The following KLHL3 variants were observed in gnomAD, a reference collection of about 807,000 sequenced individuals.
The protein encoded by KLHL3 is kelch like family member 3, also known as kelch-like protein 3.
KLHL3 carries 19 observed loss-of-function variants against 70.5 expected under a neutral mutation model. The ratio of observed to expected loss-of-function variants is 0.27; its 90% CI spans 0.19 to 0.40. KLHL3 has a LOEUF of 0.40. Ranked by LOEUF, KLHL3 falls within the 10% of genes least tolerant of loss-of-function variation. The pLI, the probability that KLHL3 is intolerant of heterozygous loss-of-function variation, is 1.00. For synonymous variants in KLHL3, 258 were observed against 290.3 expected (o/e 0.89, Z 1.13); for missense variants, 512 against 771.1 (o/e 0.66, Z 3.98).
intron 6 of KLHL3, among the ~76,000 whole-genome samples, chr5:137,664,130 T>A (rs372876206): frequency 6.6e-6 from 1 of 151,906 alleles, no homozygotes; most frequent in Non-Finnish European, 1.5e-5. Context: ...GGCAGGCAGA[T>A]TGCTTGAGCC....
Position 137,628,324 on chromosome 5 carries a change from C to G in KLHL3, c.1564G>C (p.Asp522His), listed in dbSNP as rs374322899. The G allele has an allele frequency of 6.2e-7, 1 of 1,614,164 alleles. No individual in the cohort carries two copies. The highest frequency in any genetic ancestry group is 8.5e-7 in the Non-Finnish European group (1 of 1,180,020). ...GCGTTGCGCCGGCACATGTTCATGT[C>G]TGCCACTTGCTTCCAGGTATTTGTT... ...PGTNTWKQVA[D>H]MNMCRRNAGV... Residue 522 changes from aspartate to histidine, a missense_variant, in exon 13 of 15, where the codon GAC becomes CAC. Coordinates refer to ENST00000309755, the MANE Select transcript of KLHL3 (RefSeq NM_017415.3).
At position 137,639,549 on chromosome 5, in the gene KLHL3, C is replaced by T. The variant is rs2149885177; in HGVS notation, c.1021+311G>A. Among the ~76,000 whole-genome samples the T allele has an allele frequency of 1.3e-5, 2 of 152,052 alleles. No individual in the cohort carries two copies. The highest frequency in any genetic ancestry group is 4.8e-5 in the African/African-American group (2 of 41,492). ...TCTCTACTAAAAATGCAAAAATTAG[C>T]TGGGCATGGTGGTGCACGCCTGTAA... On this transcript the variant is annotated intron_variant, in intron 9 of 14. Transcript: ENST00000309755. The surrounding 1 kb of genome is among the most constrained non-coding windows in gnomAD (Gnocchi z 5.0).
chr5:137,639,146 C>G lies in KLHL3; in HGVS notation c.1026G>C (p.Val342=). 1 of 1,613,608 alleles carries G rather than the reference C, an allele frequency of 6.2e-7. No individual in the cohort carries two copies. Among genetic ancestry groups the G allele is most frequent in the Non-Finnish European group, 8.5e-7 (1 of 1,179,766 alleles). ...ELPSRRCRAG[V]VFMAGHVYAV... is the part of the protein sequence containing the mutation. ...CATACACGTGGCCAGCCATGAACAC[C>G]ACACCTGAGGCACAGGAAACCAAGA... The change falls in exon 10 of 15, where the codon GTG becomes GTC. Residue 342 remains valine, a synonymous_variant. Transcript: ENST00000309755. The surrounding 1 kb of genome is among the most constrained non-coding windows in gnomAD (Gnocchi z 5.0).
chr5:137,655,799 T>C (rs1041572097), intron 8 of KLHL3, among the ~76,000 whole-genome samples: 2 of 151,638 alleles, frequency 1.3e-5, no homozygotes, highest in Non-Finnish European at 2.9e-5. Flanking sequence ...GCCTAGGCAA[T>C]AGGCAAAAAC....
At chr5:137,677,218 G>C (rs554995906) in intron 6 of KLHL3, among the ~76,000 whole-genome samples, 1 of 152,056 alleles carries the variant, frequency 6.6e-6, no homozygotes, top group Non-Finnish European at 1.5e-5. Context: ...AGGCTGAGGC[G>C]GGCGGATTGC....
At chr5:137,709,643 G>T in intron 3 of KLHL3, 107 bp downstream of exon 3, 1 of 851,476 alleles carries the variant, frequency 1.2e-6, no homozygotes, top group Non-Finnish European at 2.0e-6. Flanking sequence ...CTCATAGTGG[G>T]CTAATGGCTT....
intron 3 of KLHL3, 49 bp downstream of exon 3, chr5:137,709,701 T>G: frequency 7.0e-7 from 1 of 1,435,008 alleles, no homozygotes; most frequent in Non-Finnish European, 9.8e-7. Flanking sequence ...ATTCTCCCAG[T>G]GGGGCTGCAG....
intron 14 of KLHL3, among the ~76,000 whole-genome samples, chr5:137,625,082 C>T (rs908587388): frequency 3.4e-5 from 5 of 145,828 alleles, no homozygotes; most frequent in African/African-American, 9.7e-5. Flanking sequence ...ATAAAATAGA[C>T]GGATAGAGTC....
intron 8 of KLHL3, among the ~76,000 whole-genome samples, chr5:137,641,018 T>C (rs1750902109): frequency 6.6e-6 from 1 of 152,234 alleles, no homozygotes; most frequent in African/African-American, 2.4e-5. Context: ...CTGCTCTGGT[T>C]AGGTTAATAG....
At chr5:137,706,865 A>G (rs1752695934) in intron 3 of KLHL3, among the ~76,000 whole-genome samples, 1 of 152,238 alleles carries the variant, frequency 6.6e-6, no homozygotes, top group Admixed American at 6.5e-5. Context: ...TTTTAAAGGT[A>G]TAGTTCTTAC....
intron 5 of KLHL3, among the ~76,000 whole-genome samples, chr5:137,687,312 T>C (rs868063704): frequency 0.068 from 1,829 of 26,778 alleles, 766 homozygotes; most frequent in African/African-American, 0.37. Flanking sequence ...CCCGCCCGGC[T>C]GGCTGCCCCG....
chr5:137,670,481 T>C (rs1366962634), intron 6 of KLHL3, among the ~76,000 whole-genome samples: 5 of 150,848 alleles, frequency 3.3e-5, no homozygotes, highest in Admixed American at 2.0e-4. Context: ...AGATATTCTG[T>C]AGTAAAGGGG....
At chr5:137,656,476 T>C (rs1751348557) in intron 8 of KLHL3, among the ~76,000 whole-genome samples, 1 of 152,232 alleles carries the variant, frequency 6.6e-6, no homozygotes. Context: ...TTCCAAATAA[T>C]AGCAGATTTT....
intron 3 of KLHL3, among the ~76,000 whole-genome samples, chr5:137,701,285 C>T (rs978520943): frequency 9.2e-5 from 14 of 152,028 alleles, no homozygotes; most frequent in African/African-American, 3.1e-4. Context: ...CGACCTCAGA[C>T]GATCTGTCCT....
intron 5 of KLHL3, among the ~76,000 whole-genome samples, chr5:137,689,983 T>C (rs147997688): frequency 1.1e-3 from 160 of 152,306 alleles, no homozygotes; most frequent in African/African-American, 3.7e-3. Flanking sequence ...AGACAGAATT[T>C]CTGACATCTA....
At chr5:137,649,287 G>A (rs1751139063) in intron 8 of KLHL3, among the ~76,000 whole-genome samples, 1 of 152,224 alleles carries the variant, frequency 6.6e-6, no homozygotes, top group Non-Finnish European at 1.5e-5. Flanking sequence ...ATGGGACATG[G>A]ATTTTGACAT....
Position 137,683,933 on chromosome 5 carries a change from C to T in KLHL3, c.527-6279G>A, listed in dbSNP as rs137906229. 1.3e-3 allele frequency among the ~76,000 whole-genome samples: 203 copies of T among 152,280 alleles called. 5 individuals carry two copies. The Middle Eastern group carries it at 0.024, about 18-fold the overall frequency. ...TAAAATCCTAACAAAGAGCAAGCAA[C>T]GAAACCTATCTGTGTCTGCACGACT... On this transcript the variant is annotated intron_variant, in intron 5 of 14. Coordinates refer to ENST00000309755, the MANE Select transcript of KLHL3 (RefSeq NM_017415.3).
chr5:137,642,038 G>A (rs1750924863), intron 8 of KLHL3, among the ~76,000 whole-genome samples: 1 of 152,204 alleles, frequency 6.6e-6, no homozygotes. Flanking sequence ...CAAGGGGGAT[G>A]TTAATGAACA....
intron 7 of KLHL3, chr5:137,661,189 G>A (rs1751464553): frequency 2.0e-5 from 3 of 152,240 alleles, no homozygotes; most frequent in Admixed American, 2.0e-4. Context: ...TGCAGAGCCA[G>A]AATGACATGG....
Sources: gnomAD v4.1 joint callset for allele counts (sites outside exome capture counted in the v4.1 genomes callset) on GRCh38, gnomAD v4.1.1 for gene constraint, Gnocchi (gnomAD v3.1) non-coding constraint, MANE v1.5 for transcripts, NCBI Gene and HGNC (gene_info 2026-07-23, HGNC 2026-07-21) for gene names.